FHL2: variants seen among roughly 807,000 people sequenced by gnomAD.
FHL2 encodes the protein four and a half LIM domains protein 2.
FHL2 carries 20 observed loss-of-function variants against 32.7 expected under a neutral mutation model. That is an observed-to-expected ratio of 0.61 (90% confidence interval 0.43 to 0.89). The LOEUF (loss-of-function observed/expected upper bound fraction) is 0.89, where lower values mean the gene tolerates loss of function less well. Ranked by LOEUF, FHL2 falls within the 40% of genes least tolerant of loss-of-function variation. The probability of loss-of-function intolerance (pLI) is 0.00; values close to 1 mark genes in which losing one functional copy is unlikely to be tolerated. For missense variants in FHL2, 311 were observed against 358.6 expected (o/e 0.87, Z 1.07); for synonymous variants, 123 against 128.1 (o/e 0.96, Z 0.27).
Position 105,363,407 on chromosome 2 carries a change from G to A in FHL2, c.566C>T (p.Thr189Ile), listed in dbSNP as rs1680414380. Residue 189 changes from threonine (T) to isoleucine (I), a missense_variant, in exon 6 of 7, where the codon ACC becomes ATC. Physicochemically the swap from Thr to Ile is moderately conservative, Grantham distance 89. Coordinates refer to ENST00000530340, the MANE Select transcript of FHL2 (RefSeq NM_001318895.3). ...CCCAGACAGCTGCTTCCTGCAGGCGGTGCACACGAAGCACTCCTTGTGCCA... is the reference window on the plus strand; with the variant it reads ...CCCAGACAGCTGCTTCCTGCAGGCGATGCACACGAAGCACTCCTTGTGCCA... Reference protein sequence around the residue: ...QPWHKECFVCTACRKQLSGQR... With the variant: ...QPWHKECFVCIACRKQLSGQR... 6.2e-7 allele frequency: 1 copy of A among 1,613,526 alleles called. No individual in the cohort carries two copies. The highest frequency in any genetic ancestry group is 8.5e-7 in the Non-Finnish European group (1 of 1,179,792).
intron 1 of FHL2, among the ~76,000 whole-genome samples, chr2:105,429,459 G>T (rs1345322326): frequency 6.6e-6 from 1 of 152,160 alleles, no homozygotes; most frequent in Non-Finnish European, 1.5e-5. Flanking sequence ...AGGAGAGCCA[G>T]GGTGAAAGAG....
intron 1 of FHL2, among the ~76,000 whole-genome samples, chr2:105,432,697 C>G (rs1029678393): frequency 2.8e-5 from 4 of 143,938 alleles, no homozygotes; most frequent in African/African-American, 1.0e-4. Flanking sequence ...CATGTGTACA[C>G]AGAGACATGT....
intron 1 of FHL2, among the ~76,000 whole-genome samples, chr2:105,409,142 G>C (rs953615815): frequency 6.6e-6 from 1 of 152,214 alleles, no homozygotes; most frequent in Non-Finnish European, 1.5e-5. Context: ...GGAGGAGCAG[G>C]CCCAGTGAGA....
chr2:105,393,077 G>C (rs1337180773), intron 2 of FHL2, among the ~76,000 whole-genome samples: 1 of 151,934 alleles, frequency 6.6e-6, no homozygotes, highest in Non-Finnish European at 1.5e-5. Flanking sequence ...TCAGGCCTTG[G>C]AGTTCCAGGA....
Position 105,427,202 on chromosome 2 carries a change from C to T in FHL2, c.-25+11197G>A, listed in dbSNP as rs116968577. The stretch of plus-strand genomic sequence containing the variant: ...TTACATCATAACCACATCAATCACC[C>T]TCACATTTAATGCTAGAAAAATATA... On this transcript the variant is annotated intron_variant, in intron 1 of 5. Transcript: ENST00000393352. 7.9e-5 allele frequency among the ~76,000 whole-genome samples: 12 copies of T among 152,302 alleles called. No individual in the cohort carries two copies. In the East Asian group the frequency reaches 2.1e-3, roughly 27 times the overall value.
At chr2:105,397,886 T>TG (rs1553421740) in intron 1 of FHL2, among the ~76,000 whole-genome samples, 1 of 69,310 alleles carries the variant, frequency 1.4e-5, no homozygotes, top group African/African-American at 4.6e-5. Flanking sequence ...TTTTTGTTTT[T>TG]TGTTTTTTTT....
intron 1 of FHL2, among the ~76,000 whole-genome samples, chr2:105,420,568 G>A (rs976502731): frequency 1.3e-5 from 2 of 152,154 alleles, no homozygotes; most frequent in Non-Finnish European, 2.9e-5. Flanking sequence ...ATAGTAACAT[G>A]AGGAAGAATC....
chr2:105,402,225 GTA>G (rs201181620), upstream of FHL2, among the ~76,000 whole-genome samples: 2 of 147,114 alleles, frequency 1.4e-5, no homozygotes, highest in African/African-American at 5.2e-5. Flanking sequence ...ATATATGTGT[GTA>G]TATATATATG....
In FHL2 at chr2:105,414,456, A is replaced by C. The variant is rs1683874720; in HGVS notation, c.-25+23943T>G. ...TTTCCAGTGACCAACCCCCATCCTGAAGCTAGCTAGGACCCGCCCCCCCTC... is the reference window on the plus strand; with the variant it reads ...TTTCCAGTGACCAACCCCCATCCTGCAGCTAGCTAGGACCCGCCCCCCCTC... On this transcript the variant is annotated intron_variant, in intron 1 of 5. Transcript: ENST00000393352. 2.0e-5 allele frequency among the ~76,000 whole-genome samples: 3 copies of C among 152,004 alleles called. No individual in the cohort carries two copies. In the South Asian group the frequency reaches 6.2e-4, roughly 32 times the overall value.
At chr2:105,398,752 C>T in intron 1 of FHL2, 90 bp downstream of exon 1, 1 of 1,135,736 alleles carries the variant, frequency 8.8e-7, no homozygotes, top group Non-Finnish European at 1.2e-6. Context: ...TACCCCACAG[C>T]TCAACTCCTT....
intron 5 of FHL2, among the ~76,000 whole-genome samples, chr2:105,363,871 G>C (rs986786381): frequency 2.6e-5 from 4 of 152,194 alleles, no homozygotes; most frequent in African/African-American, 9.6e-5. Flanking sequence ...CTGTGGCTGG[G>C]AGCAGGTCAT....
intron 1 of FHL2, among the ~76,000 whole-genome samples, chr2:105,397,873 G>T (rs372282715): frequency 0.043 from 1,732 of 40,376 alleles, 46 homozygotes; most frequent in African/African-American, 0.11. Flanking sequence ...AATGGTTTTT[G>T]TTTTTTTGTT....
chr2:105,384,417 T>A (rs1682137839), intron 3 of FHL2, among the ~76,000 whole-genome samples: 1 of 152,178 alleles, frequency 6.6e-6, no homozygotes, highest in Non-Finnish European at 1.5e-5. Context: ...GCTTACCCTG[T>A]CAGCTGCTAG....
At chr2:105,386,582 T>A (rs540667220) in intron 2 of FHL2, 42 bp from the exon 3 acceptor site, 197 of 1,579,104 alleles carry the variant, frequency 1.2e-4, no homozygotes, top group Non-Finnish European at 1.6e-4. Context: ...TTAAGCACTC[T>A]CTGAAAGGGG....
intron 1 of FHL2, among the ~76,000 whole-genome samples, chr2:105,416,385 T>C (rs113721710): frequency 9.8e-5 from 15 of 152,354 alleles, no homozygotes; most frequent in African/African-American, 3.4e-4. Context: ...TTGGTTGAAA[T>C]TTATGAAGGA....
intron 1 of FHL2, among the ~76,000 whole-genome samples, chr2:105,419,759 A>C (rs1487669838): frequency 6.6e-6 from 1 of 152,198 alleles, no homozygotes; most frequent in African/African-American, 2.4e-5. Flanking sequence ...TTTTCTATGA[A>C]TGTCCCTTCA....
chr2:105,422,032 G>C (rs148333239), intron 1 of FHL2, among the ~76,000 whole-genome samples: 1 of 152,220 alleles, frequency 6.6e-6, no homozygotes, highest in African/African-American at 2.4e-5. Flanking sequence ...GCTCAGAGGA[G>C]TTGCCCTAGG....
upstream of FHL2, chr2:105,399,681 G>A (rs1314176685): frequency 6.9e-7 from 1 of 1,441,726 alleles, no homozygotes; most frequent in Non-Finnish European, 9.1e-7. Context: ...CTGGGAGCGT[G>A]CCTCCCACAT....
chr2:105,426,500 C>T (rs1684272883), intron 1 of FHL2, among the ~76,000 whole-genome samples: 1 of 152,180 alleles, frequency 6.6e-6, no homozygotes, highest in Non-Finnish European at 1.5e-5. Flanking sequence ...TGCCTAGGGT[C>T]GCTCTCTTCT....
Sources: allele counts gnomAD v4.1 joint callset (sites outside exome capture counted in the v4.1 genomes callset), GRCh38; gene constraint gnomAD v4.1.1; transcripts MANE v1.5; gene names NCBI Gene and HGNC (gene_info 2026-07-23, HGNC 2026-07-21).